ATRX: variants seen among roughly 807,000 people sequenced by gnomAD.
ATRX encodes the protein ATRX chromatin remodeler, also known as chromatin remodeler ATRX.
In ATRX, 12 loss-of-function variants were observed where a neutral mutation model predicts 172.6. That is an observed-to-expected ratio of 0.07 (90% CI 0.04 to 0.11). The LOEUF is 0.11. Ranked by LOEUF, ATRX falls within the 10% of genes least tolerant of loss-of-function variation. The pLI, the probability that ATRX is intolerant of heterozygous loss-of-function variation, is 1.00. For synonymous variants in ATRX, 674 were observed against 594.7 expected, an observed-to-expected ratio of 1.13 and a Z score of -1.94; for missense variants, 1,368 against 1,767.4, an observed-to-expected ratio of 0.77 and a Z score of 4.05.
intron 2 of ATRX, among the ~76,000 whole-genome samples, chrX:77,701,573 C>CA (rs1473050506): frequency 9.1e-6 from 1 of 109,662 alleles, no homozygotes; most frequent in African/African-American, 3.3e-5. Context: ...TTAAAATCTA[C>CA]AAAAACCCAC....
At chrX:77,638,020 A>C (rs1429290489) in intron 15 of ATRX, among the ~76,000 whole-genome samples, 1 of 110,936 alleles carries the variant, frequency 9.0e-6, no homozygotes, top group Non-Finnish European at 1.9e-5. Flanking sequence ...AATGGTGAAG[A>C]AATAAAATTT....
chrX:77,573,369 T>C (rs1557068637), intron 28 of ATRX, among the ~76,000 whole-genome samples: 1 of 111,525 alleles, frequency 9.0e-6, no homozygotes. Context: ...GTGACAAAAT[T>C]GCCTAATGAT....
At chrX:77,517,351 T>C (rs782320725) in intron 34 of ATRX, among the ~76,000 whole-genome samples, 1 of 111,278 alleles carries the variant, frequency 9.0e-6, no homozygotes, top group African/African-American at 3.3e-5. Flanking sequence ...ATTAAAACTG[T>C]TACCAAAGAA....
chrX:77,566,217 C>T lies in ATRX; in HGVS notation c.6327-7371G>A, dbSNP rs782149198. The stretch of plus-strand genomic sequence containing the variant: ...CAAACAAATACGTGACAAAATATAT[C>T]AGTCATCTTCCAAAAACGTAGAAAA... On this transcript the variant is annotated intron_variant, in intron 28 of 34. Transcript: ENST00000373344. Among the ~76,000 whole-genome samples the T allele has an allele frequency of 2.7e-5, 3 of 111,409 alleles. No homozygotes were observed. In the East Asian group the frequency reaches 8.4e-4, roughly 31 times the overall value.
chrX:77,634,392 T>C (rs1262134314), intron 17 of ATRX: 2 of 396,894 alleles, frequency 5.0e-6, no homozygotes, highest in Non-Finnish European at 8.7e-6. Context: ...TCCCTTAACA[T>C]TCATTTTCTG....
intron 7 of ATRX, among the ~76,000 whole-genome samples, chrX:77,685,562 A>G (rs1215995193): frequency 8.9e-6 from 1 of 112,262 alleles, no homozygotes; most frequent in African/African-American, 3.2e-5. Flanking sequence ...GGATGTGGAG[A>G]AAAGGGAACC....
chrX:77,509,410 C>T (rs1165306299), intron 34 of ATRX, among the ~76,000 whole-genome samples: 5 of 111,547 alleles, frequency 4.5e-5, no homozygotes, highest in African/African-American at 1.6e-4. Context: ...TCGTCCTCCC[C>T]GAAGGAACAG....
At chrX:77,741,610 C>T (rs782454487) in intron 1 of ATRX, among the ~76,000 whole-genome samples, 60 of 110,432 alleles carry the variant, frequency 5.4e-4, no homozygotes, top group Non-Finnish European at 8.7e-4. Context: ...TACAGGTGCG[C>T]GCCACCATGC....
intron 30 of ATRX, among the ~76,000 whole-genome samples, chrX:77,531,675 A>G (rs1165956030): frequency 1.8e-5 from 2 of 112,008 alleles, no homozygotes; most frequent in Non-Finnish European, 3.8e-5. Context: ...GGCCAATATC[A>G]TACTGAATGG....
chrX:77,539,144 C>T (rs1217724674), intron 30 of ATRX, among the ~76,000 whole-genome samples: 4 of 110,300 alleles, frequency 3.6e-5, no homozygotes, highest in Admixed American at 1.9e-4. Flanking sequence ...CCGCCTGCCT[C>T]GGCCTCCTAA....
chrX:77,736,020 A>G (rs1277691375), intron 1 of ATRX, among the ~76,000 whole-genome samples: 1 of 108,907 alleles, frequency 9.2e-6, no homozygotes, highest in Non-Finnish European at 1.9e-5. Flanking sequence ...AAAAAAAAAG[A>G]AAAAGAAACT....
intron 10 of ATRX, among the ~76,000 whole-genome samples, chrX:77,665,571 A>G (rs1391697943): frequency 8.9e-6 from 1 of 111,904 alleles, no homozygotes; most frequent in Non-Finnish European, 1.9e-5. Flanking sequence ...GCATAAGAAA[A>G]CACTACTTTT....
intron 30 of ATRX, among the ~76,000 whole-genome samples, chrX:77,543,047 T>G (rs1206725968): frequency 5.4e-5 from 6 of 111,259 alleles, no homozygotes; most frequent in Non-Finnish European, 1.1e-4. Flanking sequence ...AGGAGAAAAT[T>G]TTTGCAATCT....
chrX:77,599,291 A>C, intron 25 of ATRX, 120 bp downstream of exon 25: 1 of 788,789 alleles, frequency 1.3e-6, no homozygotes, highest in Non-Finnish European at 1.9e-6. Flanking sequence ...GATTAGACTC[A>C]TCAATTGAGG....
At chrX:77,632,926 T>C (rs181200128) in intron 19 of ATRX, among the ~76,000 whole-genome samples, 75 of 112,095 alleles carry the variant, frequency 6.7e-4, no homozygotes, top group Admixed American at 2.6e-3. Flanking sequence ...GGAAGAATCT[T>C]TGATTGCAAC....
chrX:77,633,886 T>C (rs1486243228), intron 17 of ATRX, 174 bp from the exon 18 acceptor site: 3 of 457,415 alleles, frequency 6.6e-6, no homozygotes, highest in East Asian at 7.7e-5. Context: ...AACTAGATGA[T>C]GTATCAGGCT....
intron 1 of ATRX, among the ~76,000 whole-genome samples, chrX:77,770,086 T>C (rs1557198280): frequency 9.2e-6 from 1 of 108,785 alleles, no homozygotes; most frequent in Admixed American, 9.8e-5. Context: ...TGTTTCAAAA[T>C]AAAAATGGGA....
chrX:77,711,090 A>G (rs1386630328), intron 2 of ATRX, among the ~76,000 whole-genome samples: 1 of 112,221 alleles, frequency 8.9e-6, no homozygotes, highest in Admixed American at 9.5e-5. Context: ...AGCTCTCTCT[A>G]TATTAGTTAT....
At chrX:77,714,852 T>A (rs1318086146) in intron 2 of ATRX, among the ~76,000 whole-genome samples, 1 of 112,107 alleles carries the variant, frequency 8.9e-6, no homozygotes, top group Non-Finnish European at 1.9e-5. Flanking sequence ...GGGAAAAACT[T>A]ATCTGTGAAC....
Sources: allele counts gnomAD v4.1 joint callset (sites outside exome capture counted in the v4.1 genomes callset), GRCh38; gene constraint gnomAD v4.1.1; transcripts MANE v1.5; gene names NCBI Gene and HGNC (gene_info 2026-07-23, HGNC 2026-07-21).